The following RNF216 variants were observed in gnomAD, a reference collection of about 807,000 sequenced individuals.
RNF216 encodes the protein E3 ubiquitin-protein ligase RNF216.
Under a neutral mutation model 110.8 loss-of-function variants are expected in RNF216, and 72 were observed. The ratio of observed to expected loss-of-function variants is 0.65; its 90% CI spans 0.54 to 0.79. RNF216 has a LOEUF of 0.79. Ranked by LOEUF, RNF216 falls within the 30% of genes least tolerant of loss-of-function variation. The pLI is 0.00. For synonymous variants in RNF216, 495 were observed against 407.5 expected (o/e 1.21, Z -2.59); for missense variants, 1,342 against 1,141.2 (o/e 1.18, Z -2.54).
intron 13 of RNF216, among the ~76,000 whole-genome samples, chr7:5,661,890 AGTCT>A (rs989653391): frequency 4.6e-5 from 7 of 152,228 alleles, no homozygotes; most frequent in Admixed American, 6.5e-5. Context: ...TTTAGACATG[AGTCT>A]GTCTGATCCC....
At chr7:5,769,449 G>C (rs987686338) in intron 1 of RNF216, among the ~76,000 whole-genome samples, 2 of 151,912 alleles carry the variant, frequency 1.3e-5, no homozygotes, top group Admixed American at 6.5e-5. Context: ...GAGGCTGGGC[G>C]TGGTGGCTCA....
intron 1 of RNF216, among the ~76,000 whole-genome samples, chr7:5,769,167 G>T (rs147171669): frequency 2.0e-5 from 3 of 148,966 alleles, no homozygotes; most frequent in Non-Finnish European, 4.4e-5. Context: ...TGCCAGACTG[G>T]AGTGCAGTGG....
At chr7:5,760,252 C>G (rs2128670102) in intron 2 of RNF216, 1 of 157,548 alleles carries the variant, frequency 6.3e-6, no homozygotes, top group South Asian at 1.8e-4. Flanking sequence ...TGCAGTGGCT[C>G]ACGCCTGTAA....
chr7:5,691,784 A>G (rs1310335071), intron 13 of RNF216, among the ~76,000 whole-genome samples: 2 of 152,258 alleles, frequency 1.3e-5, no homozygotes, highest in Non-Finnish European at 2.9e-5. Flanking sequence ...AGAGGAAACT[A>G]CACCAATATC....
At position 5,741,077 on chromosome 7, in the gene RNF216, C is replaced by G. The variant is rs370674291; in HGVS notation, c.940G>C (p.Ala314Pro). The G allele has an allele frequency of 1.4e-5, 23 of 1,614,048 alleles. No homozygotes were observed. In the African/African-American group the frequency reaches 2.7e-4, roughly 19 times the overall value. Residue 314 changes from alanine (A) to proline (P), a missense_variant, in exon 4 of 17, where the codon GCC becomes CCC. By Grantham distance (27) the Ala-to-Pro change is conservative. Coordinates refer to ENST00000389902, the MANE Select transcript of RNF216 (RefSeq NM_207111.4). ...LASDDEEPGP[A>P]FPMQESQEPN... is the part of the protein sequence containing the mutation. The stretch of plus-strand genomic sequence containing the variant: ...TCTTGAGATTCTTGCATTGGAAAGG[C>G]TGGACCTGGCTCTTCATCATCACTT...
In RNF216 at chr7:5,771,800, C is replaced by T. The variant is rs146927618; in HGVS notation, c.-70+9741G>A. On this transcript the variant is annotated intron_variant, in intron 1 of 16. Coordinates refer to ENST00000389902, the MANE Select transcript of RNF216 (RefSeq NM_207111.4). ...CAATGGGAGTGAAACCCTGTCCCCC[C>T]ACCAAAAAACATCTGCCCAAAGGAA... Among the ~76,000 whole-genome samples the T allele has an allele frequency of 8.1e-3, 1,227 of 151,122 alleles. 17 individuals carry two copies. The highest frequency in any genetic ancestry group is 0.029 in the African/African-American group (1,174 of 41,186).
chr7:5,766,472 C>G (rs1444597890), intron 1 of RNF216, among the ~76,000 whole-genome samples: 1 of 151,670 alleles, frequency 6.6e-6, no homozygotes, highest in East Asian at 1.9e-4. Context: ...AGGTTGGGCC[C>G]TCATGATGGC....
chr7:5,656,719 G>A (rs1219984804), intron 13 of RNF216, among the ~76,000 whole-genome samples: 1 of 152,136 alleles, frequency 6.6e-6, no homozygotes, highest in Non-Finnish European at 1.5e-5. Context: ...TCTTCACTTT[G>A]CAATATAAAG....
chr7:5,659,554 T>C (rs567575333), intron 13 of RNF216, among the ~76,000 whole-genome samples: 13 of 152,322 alleles, frequency 8.5e-5, no homozygotes, highest in Admixed American at 3.3e-4. Context: ...AAAGCTAGGC[T>C]GACCAGGTGG....
intron 13 of RNF216, among the ~76,000 whole-genome samples, chr7:5,670,973 C>T (rs60181616): frequency 0.038 from 5,717 of 152,292 alleles, 159 homozygotes; most frequent in South Asian, 0.071. Flanking sequence ...TTTCTGTGAA[C>T]TGCTTGGTTC....
intron 5 of RNF216, among the ~76,000 whole-genome samples, chr7:5,731,217 A>G (rs564619477): frequency 1.6e-4 from 24 of 152,382 alleles, no homozygotes; most frequent in African/African-American, 5.8e-4. Flanking sequence ...TCACATTTAC[A>G]GTAAAAAACA....
At chr7:5,747,841 C>T (rs907010539) in intron 3 of RNF216, among the ~76,000 whole-genome samples, 1 of 148,834 alleles carries the variant, frequency 6.7e-6, no homozygotes, top group African/African-American at 2.5e-5. Context: ...TATAGTGGCA[C>T]AATCATAGCT....
chr7:5,748,867 CTGTAT>C (rs1349227269), intron 3 of RNF216, among the ~76,000 whole-genome samples: 5 of 152,110 alleles, frequency 3.3e-5, no homozygotes, highest in Admixed American at 3.3e-4. Context: ...CAAGTGTAAA[CTGTAT>C]TTGAAAACTG....
intron 5 of RNF216, among the ~76,000 whole-genome samples, chr7:5,731,264 C>T (rs561781865): frequency 6.6e-6 from 1 of 152,304 alleles, no homozygotes; most frequent in African/African-American, 2.4e-5. Flanking sequence ...ATATAAAAGA[C>T]CTTCTGTTAA....
chr7:5,734,194 G>C (rs1794257048), intron 5 of RNF216, among the ~76,000 whole-genome samples: 1 of 152,170 alleles, frequency 6.6e-6, no homozygotes, highest in African/African-American at 2.4e-5. Context: ...ATTTGTGACA[G>C]TCAGAACTCA....
intron 1 of RNF216, among the ~76,000 whole-genome samples, chr7:5,766,298 AAAAC>A (rs1796204181): frequency 6.6e-6 from 1 of 152,160 alleles, no homozygotes; most frequent in Non-Finnish European, 1.5e-5. Flanking sequence ...TCAAAAAACT[AAAAC>A]AAAAACAAAC....
intron 13 of RNF216, among the ~76,000 whole-genome samples, chr7:5,684,051 T>C (rs1400113222): frequency 6.6e-6 from 1 of 150,512 alleles, no homozygotes; most frequent in Non-Finnish European, 1.5e-5. Context: ...TATCAGGTAC[T>C]GGTCTGTGAT....
chr7:5,779,616 T>C (rs1234271348), intron 1 of RNF216, among the ~76,000 whole-genome samples: 1 of 147,908 alleles, frequency 6.8e-6, no homozygotes, highest in Admixed American at 6.8e-5. Flanking sequence ...GAGGGTCACT[T>C]AAACCCAGGA....
chr7:5,752,187 A>T (rs1380271690), intron 3 of RNF216, among the ~76,000 whole-genome samples: 1 of 152,172 alleles, frequency 6.6e-6, no homozygotes, highest in African/African-American at 2.4e-5. Context: ...CCGTCTCAAA[A>T]AAATAAAAAA....
Sources: allele counts gnomAD v4.1 joint callset (sites outside exome capture counted in the v4.1 genomes callset), GRCh38; gene constraint gnomAD v4.1.1; transcripts MANE v1.5; gene names NCBI Gene and HGNC (gene_info 2026-07-23, HGNC 2026-07-21).